The following USP42 variants were observed in gnomAD, a reference collection of about 807,000 sequenced individuals.
The protein encoded by USP42 is ubiquitin specific peptidase 42.
USP42 carries 23 observed loss-of-function variants against 113.0 expected under a neutral mutation model. That is an observed-to-expected ratio of 0.20 (90% CI 0.15 to 0.29). USP42 has a LOEUF of 0.29. Ranked by LOEUF, USP42 falls within the 10% of genes least tolerant of loss-of-function variation. The pLI, the probability that USP42 is intolerant of heterozygous loss-of-function variation, is 1.00. For synonymous variants in USP42, 933 were observed against 699.0 expected (o/e 1.33, Z -5.28); for missense variants, 2,174 against 1,779.8 (o/e 1.22, Z -3.99).
the USP42 span, among the ~76,000 whole-genome samples, chr7:6,093,494 G>C: frequency 6.6e-6 from 1 of 150,690 alleles, no homozygotes; most frequent in Non-Finnish European, 1.5e-5. Flanking sequence ...TGTTGGCCAG[G>C]CTGGTCTCGA....
At chr7:6,090,375 T>C in the USP42 span, among the ~76,000 whole-genome samples, 1 of 138,616 alleles carries the variant, frequency 7.2e-6, no homozygotes, top group African/African-American at 3.0e-5. Context: ...TATATTTCTT[T>C]ATATATATTA....
At chr7:6,141,628 A>T (rs1781438160) in intron 7 of USP42, among the ~76,000 whole-genome samples, 1 of 150,674 alleles carries the variant, frequency 6.6e-6, no homozygotes, top group East Asian at 2.0e-4. Context: ...GCGCAATATC[A>T]GCTCACTGCA....
In USP42 at chr7:6,154,648, T is replaced by G. The variant is rs1438702032; in HGVS notation, c.3094T>G (p.Trp1032Gly). ...SRHRSGVELD[W>G]VRHHYTEGER... ...ACACCGGAGCGGGGTGGAGCTGGAC[T>G]GGGTCAGACACCACTACACCGAGGG... The change falls in exon 15 of 18, where the codon TGG becomes GGG. Residue 1032 changes from tryptophan to glycine, a missense_variant. Transcript: ENST00000306177. 6.2e-7 allele frequency: 1 copy of G among 1,606,008 alleles called. No individual in the cohort carries two copies. Among genetic ancestry groups the G allele is most frequent in the Non-Finnish European group, 8.5e-7 (1 of 1,177,256 alleles).
At chr7:6,111,519 T>C (rs914095324) in intron 2 of USP42, 145 bp downstream of exon 2, 2 of 938,328 alleles carry the variant, frequency 2.1e-6, no homozygotes, top group Admixed American at 2.9e-5. Context: ...ATGGGCTTTG[T>C]TTTCCTGTTA....
At chr7:6,087,544 C>G in the USP42 span, among the ~76,000 whole-genome samples, 1 of 150,316 alleles carries the variant, frequency 6.7e-6, no homozygotes, top group Non-Finnish European at 1.5e-5. Flanking sequence ...GCCATGTTGC[C>G]CAGGCTGATC....
At chr7:6,105,233 C>T (rs1779199792) in intron 1 of USP42, among the ~76,000 whole-genome samples, 1 of 145,522 alleles carries the variant, frequency 6.9e-6, no homozygotes, top group African/African-American at 2.5e-5. Flanking sequence ...GCGCCACCGC[C>T]CGCCCGGGCC....
chr7:6,156,421 C>T (rs1782446930), intron 15 of USP42, among the ~76,000 whole-genome samples: 1 of 152,136 alleles, frequency 6.6e-6, no homozygotes, highest in Admixed American at 6.6e-5. Flanking sequence ...ATTTATGGCC[C>T]TGGACTGAAA....
At position 6,155,195 on chromosome 7, in the gene USP42, G is replaced by A. The variant is rs770179388; in HGVS notation, c.3641G>A (p.Arg1214Lys). The A allele has an allele frequency of 1.3e-6, 2 of 1,527,490 alleles. No individual in the cohort carries two copies. The highest frequency in any genetic ancestry group is 2.8e-5 in the African/African-American group (2 of 71,626). The allele number at this position is 1,527,490 out of a possible 1,614,324, so 94.6% of individuals were successfully genotyped here. Reference protein sequence around the residue: ...SKDKHRDRDSRHQQDSDLSAA... With the variant: ...SKDKHRDRDSKHQQDSDLSAA... The stretch of plus-strand genomic sequence containing the variant: ...GACAAACACCGAGACCGCGACTCCA[G>A]GTGAGCCTGGGGCCTTGTGCTCCCC... The change falls in exon 15 of 18, where the codon AGG (arginine) becomes AAG (lysine). Residue 1214 changes from arginine (R) to lysine (K), a missense_variant and splice_region_variant. Transcript: ENST00000306177.
At position 6,154,633 on chromosome 7, in the gene USP42, G is replaced by T. The variant is rs763813423; in HGVS notation, c.3079G>T (p.Gly1027Trp). The T allele has an allele frequency of 3.1e-6, 5 of 1,602,576 alleles. No individual in the cohort carries two copies. Among genetic ancestry groups the T allele is most frequent in the East Asian group, 2.3e-5 (1 of 44,390 alleles). ...TCACCACCACTCCCGACACCGGAGC[G>T]GGGTGGAGCTGGACTGGGTCAGACA... ...CSHHHSRHRS[G>W]VELDWVRHHY... is the part of the protein sequence containing the mutation. The change falls in exon 15 of 18, where the codon GGG becomes TGG. Residue 1027 changes from glycine to tryptophan, a missense_variant. Gly to Trp is a radical substitution (Grantham distance 184). Transcript: ENST00000306177.
rs988783059 is a variant in USP42, at chr7:6,159,335, G to A, written c.3944-115G>A. 8.6e-6 allele frequency: 12 copies of A among 1,394,764 alleles called. No homozygotes were observed. Among genetic ancestry groups the A allele is most frequent in the African/African-American group, 2.9e-5 (2 of 69,702 alleles). 86.4% of individuals were successfully genotyped at this position (1,394,764 alleles called of 1,614,324 possible). On this transcript the variant is annotated intron_variant, in intron 16 of 17. Transcript: ENST00000306177. The surrounding 1 kb of genome is among the most constrained non-coding windows in gnomAD (Gnocchi z 4.1). ...ACCTCACTGGGGAGTGGCCTCAGGC[G>A]CTCACAGGGAACCGCAGTGACTCTG...
In USP42 at chr7:6,139,901, A is replaced by G; in HGVS notation, c.657-227A>G. ...TGCTTCCCGAGTCCCTTCCTGACAG[A>G]CACAGCTCCCACAGCTCTGCGTCTC... On this transcript the variant is annotated intron_variant, in intron 5 of 17. Transcript: ENST00000306177. The surrounding 1 kb of genome is among the most constrained non-coding windows in gnomAD (Gnocchi z 4.5). 1.7e-6 allele frequency: 1 copy of G among 573,726 alleles called. No homozygotes were observed. Among genetic ancestry groups the G allele is most frequent in the Non-Finnish European group, 3.1e-6 (1 of 321,718 alleles). 35.5% of individuals were successfully genotyped at this position (573,726 alleles called of 1,614,324 possible). A position where few individuals can be genotyped will look rare whatever the true frequency, so the allele number is the denominator to read the frequency against.
chr7:6,108,143 C>T (rs1346616316), intron 1 of USP42, among the ~76,000 whole-genome samples: 4 of 152,084 alleles, frequency 2.6e-5, no homozygotes, highest in African/African-American at 9.7e-5. Context: ...GCTGTGACAG[C>T]GCCATTGCAT....
chr7:6,117,791 TAATG>T (rs750745458), intron 3 of USP42, among the ~76,000 whole-genome samples: 99 of 152,372 alleles, frequency 6.5e-4, no homozygotes, highest in Middle Eastern at 3.4e-3. Context: ...TGTACTTTCA[TAATG>T]AATAATGCTG....
the USP42 span, among the ~76,000 whole-genome samples, chr7:6,099,580 T>G: frequency 6.6e-6 from 1 of 150,552 alleles, no homozygotes; most frequent in African/African-American, 2.5e-5. Context: ...ACTCCTGACC[T>G]CAGGTGATCC....
intron 3 of USP42, among the ~76,000 whole-genome samples, chr7:6,133,998 C>A (rs1780995099): frequency 6.6e-6 from 1 of 150,954 alleles, no homozygotes; most frequent in African/African-American, 2.4e-5. Flanking sequence ...TCACGCCATT[C>A]TCTTGCCTCA....
At position 6,119,452 on chromosome 7, in the gene USP42, CAG is replaced by C. The variant is rs999790338; in HGVS notation, c.442+3932_442+3933del. On this transcript the variant is annotated intron_variant, in intron 3 of 17. Transcript: ENST00000306177. Reference sequence around the variant, plus strand: ...TGCAGGTACGCTGCAGCCTGGGCAGCAGAGTGAGATCTTACGTCAACCAAAAT... The same window carrying C: ...TGCAGGTACGCTGCAGCCTGGGCAGCAGTGAGATCTTACGTCAACCAAAAT... 8.3e-4 allele frequency among the ~76,000 whole-genome samples: 127 copies of C among 152,296 alleles called. 1 individual carries two copies. The highest frequency in any genetic ancestry group is 2.8e-3 in the African/African-American group (118 of 41,564).
chr7:6,127,041 G>A (rs1290659165), intron 3 of USP42, among the ~76,000 whole-genome samples: 1 of 152,346 alleles, frequency 6.6e-6, no homozygotes, highest in East Asian at 1.9e-4. Flanking sequence ...GTGTGTAGTG[G>A]TAACTCAGTG....
chr7:6,089,540 T>C, the USP42 span, among the ~76,000 whole-genome samples: 1 of 149,606 alleles, frequency 6.7e-6, no homozygotes, highest in Non-Finnish European at 1.5e-5. Context: ...CTTTCTCTTT[T>C]TTTTTTTTTT....
intron 1 of USP42, among the ~76,000 whole-genome samples, chr7:6,107,717 C>G (rs1329272214): frequency 6.6e-6 from 1 of 151,958 alleles, no homozygotes; most frequent in African/African-American, 2.4e-5. Context: ...CCTCTTCTTT[C>G]TTTTTTTCCT....
Sources: gnomAD v4.1 joint callset for allele counts (sites outside exome capture counted in the v4.1 genomes callset) on GRCh38, gnomAD v4.1.1 for gene constraint, Gnocchi (gnomAD v3.1) non-coding constraint, MANE v1.5 for transcripts, NCBI Gene and HGNC (gene_info 2026-07-23, HGNC 2026-07-21) for gene names.